PCDHA6: variants seen among roughly 807,000 people sequenced by gnomAD.
The protein encoded by PCDHA6 is protocadherin alpha-6.
A neutral mutation model predicts 60.3 loss-of-function variants in PCDHA6; 55 were observed. The ratio of observed to expected loss-of-function variants is 0.91; its 90% confidence interval spans 0.73 to 1.14. PCDHA6 has a LOEUF of 1.14. PCDHA6 is among the 50% of genes most tolerant of loss of function. The pLI is 0.00. For missense variants in PCDHA6, 1,327 were observed against 1,256.5 expected (o/e 1.06, Z -0.85); for synonymous variants, 652 against 557.9 (o/e 1.17, Z -2.38).
intron 1 of PCDHA6, chr5:140,967,981 G>A (rs1192553799): frequency 4.3e-6 from 7 of 1,614,084 alleles, no homozygotes; most frequent in African/African-American, 1.3e-5. Flanking sequence ...TGGGTCTGGA[G>A]GCCACACTGC....
intron 1 of PCDHA6, among the ~76,000 whole-genome samples, chr5:140,891,408 C>G (rs1341322877): frequency 2.0e-5 from 3 of 147,046 alleles, no homozygotes; most frequent in Admixed American, 6.8e-5. Flanking sequence ...TCGCCACCCC[C>G]CACTCTTGCC....
rs1246867400 is a variant in PCDHA6, at chr5:140,885,558, AATTG to A, written c.2394+55078_2394+55081del. Among the ~76,000 whole-genome samples, 8 of 152,258 alleles carry A rather than the reference AATTG, an allele frequency of 5.3e-5. No individual in the cohort carries two copies. The South Asian group carries it at 1.0e-3, about 20-fold the overall frequency. On this transcript the variant is annotated intron_variant, in intron 1 of 3. Coordinates refer to ENST00000529310, the MANE Select transcript of PCDHA6 (RefSeq NM_018909.4). Reference sequence around the variant, plus strand: ...CAAAATATTGGTGTTATTTCTACGAAATTGATTGTCAGATGTGGAATTGATGCAT... The same window carrying A: ...CAAAATATTGGTGTTATTTCTACGAAATTGTCAGATGTGGAATTGATGCAT...
chr5:140,867,568 T>C (rs2050045240), intron 1 of PCDHA6: 1 of 152,150 alleles, frequency 6.6e-6, no homozygotes, highest in Non-Finnish European at 1.5e-5. Context: ...AACTTTTTCA[T>C]ATGCCCTTGC....
chr5:140,872,861 C>T (rs1554166414), intron 1 of PCDHA6, among the ~76,000 whole-genome samples: 1 of 152,182 alleles, frequency 6.6e-6, no homozygotes, highest in African/African-American at 2.4e-5. Context: ...TGAGTACCTA[C>T]TGACAATTAT....
At position 140,884,500 on chromosome 5, in the gene PCDHA6, G is replaced by T. The variant is rs782378726; in HGVS notation, c.2394+54015G>T. 34 of 1,614,122 alleles carry T rather than the reference G, an allele frequency of 2.1e-5. No homozygotes were observed. The South Asian group carries it at 2.5e-4, about 12-fold the overall frequency. On this transcript the variant is annotated intron_variant, in intron 1 of 3. Coordinates refer to ENST00000529310, the MANE Select transcript of PCDHA6 (RefSeq NM_018909.4). ...AGCCCACTCTAGTGTGCTCCAGCGC[G>T]GCAGGGAGTTGGTCGTACTCGCAGC...
chr5:140,858,019 G>C (rs377389644), intron 1 of PCDHA6: 2 of 1,596,850 alleles, frequency 1.3e-6, no homozygotes, highest in Non-Finnish European at 1.7e-6. Flanking sequence ...GCGAGCCGTC[G>C]CTGACGGCCA....
chr5:141,004,163 G>A (rs374407159), intron 3 of PCDHA6, among the ~76,000 whole-genome samples: 3 of 152,234 alleles, frequency 2.0e-5, no homozygotes, highest in African/African-American at 7.2e-5. Context: ...TATAGGCAAA[G>A]CCAGCCAAGT....
chr5:140,869,591 A>G (rs782105068), intron 1 of PCDHA6: 2 of 1,614,020 alleles, frequency 1.2e-6, no homozygotes, highest in Non-Finnish European at 1.7e-6. Flanking sequence ...GCTGACATTG[A>G]AGAGAATGCT....
At chr5:140,870,993 A>G in intron 1 of PCDHA6, 1 of 1,613,424 alleles carries the variant, frequency 6.2e-7, no homozygotes, top group South Asian at 1.1e-5. Context: ...CGGGCGAGAT[A>G]AGCACAACGC....
rs2086150778 is a variant in PCDHA6, at chr5:140,929,428, G to C, written c.2395-49521G>C. ...AGCCTTTCACAACATTTCATCAATT[G>C]AACTAAACACTCCTTCTTAGCACTT... On this transcript the variant is annotated intron_variant, in intron 1 of 3. Coordinates refer to ENST00000529310, the MANE Select transcript of PCDHA6 (RefSeq NM_018909.4). 4 of 1,491,484 alleles carry C rather than the reference G, an allele frequency of 2.7e-6. No homozygotes were observed. The East Asian group carries it at 6.9e-5, about 26-fold the overall frequency. 92.4% of individuals were successfully genotyped at this position (1,491,484 alleles called of 1,614,324 possible). A position where few individuals can be genotyped will look rare whatever the true frequency, so the allele number is the denominator to read the frequency against.
intron 1 of PCDHA6, among the ~76,000 whole-genome samples, chr5:140,940,564 T>C (rs1481591678): frequency 2.0e-5 from 3 of 152,228 alleles, no homozygotes; most frequent in Non-Finnish European, 4.4e-5. Flanking sequence ...TTCTCCTACC[T>C]TGGCTCCCAA....
At position 140,870,626 on chromosome 5, in the gene PCDHA6, C is replaced by T. The variant is rs782773688; in HGVS notation, c.2394+40141C>T. 61 of 1,612,898 alleles carry T rather than the reference C, an allele frequency of 3.8e-5. No homozygotes were observed. Among genetic ancestry groups the T allele is most frequent in the Non-Finnish European group, 5.0e-5 (59 of 1,179,802 alleles). Reference sequence around the variant, plus strand: ...GACCGCGCGCTGTCGAGCTACGTGTCGGTGCACGCGGAGAGCGGCAAGGTG... The same window carrying T: ...GACCGCGCGCTGTCGAGCTACGTGTTGGTGCACGCGGAGAGCGGCAAGGTG... On this transcript the variant is annotated intron_variant, in intron 1 of 3. Transcript: ENST00000529310.
chr5:140,851,821 C>A, intron 1 of PCDHA6: 1 of 958,244 alleles, frequency 1.0e-6, no homozygotes, highest in Non-Finnish European at 1.3e-6. Context: ...AGACAGAAAT[C>A]TGTTTTTTTA....
intron 1 of PCDHA6, chr5:140,856,675 G>T (rs782417357): frequency 6.3e-7 from 1 of 1,597,790 alleles, no homozygotes; most frequent in South Asian, 1.1e-5. Context: ...AGCTAAAGTT[G>T]TTGTTGACAG....
intron 1 of PCDHA6, chr5:140,870,717 T>C (rs782672690): frequency 4.3e-6 from 7 of 1,613,062 alleles, no homozygotes; most frequent in South Asian, 2.2e-5. Context: ...GCGCGCGCGA[T>C]GCGGGCGTGC....
At position 140,830,432 on chromosome 5, in the gene PCDHA6, A is replaced by G. The variant is rs1771060362; in HGVS notation, c.2341A>G (p.Ile781Val). ...TAGCCCCAGCCTTTCACCTTGTCCT[A>G]TTATGATGGGTAAGGCGGAGAATCA... ...AFSPSLSPCP[I>V]MMGKAENQDL... Residue 781 changes from isoleucine (I) to valine (V), a missense_variant, in exon 1 of 4, where the codon ATT becomes GTT. Transcript: ENST00000529310. 12 of 1,613,462 alleles carry G rather than the reference A, an allele frequency of 7.4e-6. No homozygotes were observed. Among genetic ancestry groups the G allele is most frequent in the South Asian group, 2.2e-5 (2 of 91,054 alleles).
At chr5:140,860,741 A>ATT (rs1466220052) in intron 1 of PCDHA6, 6 of 152,018 alleles carry the variant, frequency 3.9e-5, no homozygotes, top group African/African-American at 1.4e-4. Context: ...TTTGTTTTTT[A>ATT]TTTTTTATTT....
chr5:140,957,281 T>A (rs1317654133), intron 1 of PCDHA6, among the ~76,000 whole-genome samples: 3 of 152,178 alleles, frequency 2.0e-5, no homozygotes, highest in Non-Finnish European at 2.9e-5. Flanking sequence ...CCCCCTTACC[T>A]GCAGTTTCAC....
intron 1 of PCDHA6, among the ~76,000 whole-genome samples, chr5:140,911,635 G>A (rs906127782): frequency 2.0e-5 from 3 of 152,148 alleles, no homozygotes; most frequent in African/African-American, 7.2e-5. Flanking sequence ...ATGGTCAAAG[G>A]TATTACATAT....
Sources: gnomAD v4.1 joint callset for allele counts (sites outside exome capture counted in the v4.1 genomes callset) on GRCh38, gnomAD v4.1.1 for gene constraint, MANE v1.5 for transcripts, NCBI Gene and HGNC (gene_info 2026-07-23, HGNC 2026-07-21) for gene names.